HYCC1: variants seen among roughly 807,000 people sequenced by gnomAD.
HYCC1 encodes hyccin.
chr7:22,923,254 G>T, the HYCC1 span, among the ~76,000 whole-genome samples: 1 of 152,056 alleles, frequency 6.6e-6, no homozygotes, highest in Non-Finnish European at 1.5e-5. Context: ...TTAACAGAAA[G>T]GAATGTGGGA....
chr7:22,963,806 A>C, the HYCC1 span, among the ~76,000 whole-genome samples: 1 of 152,234 alleles, frequency 6.6e-6, no homozygotes, highest in African/African-American at 2.4e-5. Flanking sequence ...AGAAGTTTAT[A>C]AATTCTGTCT....
At chr7:22,917,601 A>G in the HYCC1 span, among the ~76,000 whole-genome samples, 1 of 152,202 alleles carries the variant, frequency 6.6e-6, no homozygotes, top group Non-Finnish European at 1.5e-5. Flanking sequence ...CAGGGCCTGA[A>G]AAGGCCACTG....
At chr7:22,968,691 A>C in the HYCC1 span, among the ~76,000 whole-genome samples, 1 of 152,058 alleles carries the variant, frequency 6.6e-6, no homozygotes, top group African/African-American at 2.4e-5. Flanking sequence ...AGGTCACTAA[A>C]AGCAGACAAT....
the HYCC1 span, among the ~76,000 whole-genome samples, chr7:22,907,447 T>C: frequency 6.6e-6 from 1 of 152,308 alleles, no homozygotes; most frequent in East Asian, 1.9e-4. Context: ...GGAGATCTGT[T>C]AGGAGAGTGA....
the HYCC1 span, among the ~76,000 whole-genome samples, chr7:22,971,710 G>A: frequency 6.6e-6 from 1 of 150,578 alleles, no homozygotes; most frequent in African/African-American, 2.4e-5. Flanking sequence ...GGGGCAGAGA[G>A]AAGTGGAGAG....
At chr7:22,942,096 G>A in the HYCC1 span, 1 of 151,958 alleles carries the variant, frequency 6.6e-6, no homozygotes. Context: ...GAGTACATCT[G>A]TTCTCTGTAA....
the HYCC1 span, chr7:22,941,245 T>A: frequency 6.6e-6 from 1 of 152,142 alleles, no homozygotes; most frequent in Non-Finnish European, 1.5e-5. Context: ...ATGAGTAAAC[T>A]GATCTGGAAA....
At chr7:22,927,957 T>A in the HYCC1 span, among the ~76,000 whole-genome samples, 1 of 152,106 alleles carries the variant, frequency 6.6e-6, no homozygotes, top group Admixed American at 6.5e-5. Flanking sequence ...GCAAACCGAA[T>A]CCAGCAACAC....
chr7:22,975,419 T>A, the HYCC1 span, among the ~76,000 whole-genome samples: 1 of 152,178 alleles, frequency 6.6e-6, no homozygotes, highest in Non-Finnish European at 1.5e-5. Context: ...ATTTTTAAAA[T>A]GTGAATATAC....
At chr7:23,006,111 G>A in the HYCC1 span, among the ~76,000 whole-genome samples, 5 of 152,176 alleles carry the variant, frequency 3.3e-5, no homozygotes, top group Admixed American at 1.3e-4. Flanking sequence ...GGGTCAGATT[G>A]TCCCCATAGG....
the HYCC1 span, among the ~76,000 whole-genome samples, chr7:22,956,760 G>A: frequency 6.6e-6 from 1 of 151,606 alleles, no homozygotes; most frequent in African/African-American, 2.4e-5. Flanking sequence ...ACCTAAAACT[G>A]CTCTAAAAAA....
At chr7:22,957,546 A>G in the HYCC1 span, among the ~76,000 whole-genome samples, 6 of 152,046 alleles carry the variant, frequency 3.9e-5, no homozygotes, top group African/African-American at 1.4e-4. Flanking sequence ...GAGAAAGAGG[A>G]AAAAAAGAAT....
chr7:23,005,957 C>G, the HYCC1 span, among the ~76,000 whole-genome samples: 3 of 152,354 alleles, frequency 2.0e-5, no homozygotes, highest in African/African-American at 7.2e-5. Context: ...AACAGTCTCT[C>G]CCTTTTCTTA....
the HYCC1 span, chr7:22,938,737 G>C: frequency 1.3e-5 from 2 of 152,000 alleles, no homozygotes; most frequent in Non-Finnish European, 1.5e-5. Flanking sequence ...TCCACTACCA[G>C]ATATCCAATT....
chr7:22,995,892 C>CA, the HYCC1 span, among the ~76,000 whole-genome samples: 12 of 152,304 alleles, frequency 7.9e-5, no homozygotes, highest in Admixed American at 6.5e-4. Context: ...CTAACATCAA[C>CA]ACGACGTCAT....
At chr7:22,916,082 C>T in the HYCC1 span, among the ~76,000 whole-genome samples, 13 of 152,224 alleles carry the variant, frequency 8.5e-5, 1 homozygote, top group East Asian at 7.7e-4. Flanking sequence ...ACCCTTACCC[C>T]GCTCAATGCC....
the HYCC1 span, among the ~76,000 whole-genome samples, chr7:22,925,463 T>C: frequency 6.6e-6 from 1 of 152,002 alleles, no homozygotes. Flanking sequence ...CTAACTAGAA[T>C]AACCAATGCA....
the HYCC1 span, among the ~76,000 whole-genome samples, chr7:22,902,706 A>G: frequency 1.3e-5 from 2 of 152,076 alleles, no homozygotes; most frequent in Non-Finnish European, 2.9e-5. Context: ...GAACTATTGC[A>G]TATCTATATG....
chr7:22,898,775 G>GT, the HYCC1 span, among the ~76,000 whole-genome samples: 6 of 151,482 alleles, frequency 4.0e-5, no homozygotes, highest in Admixed American at 1.3e-4. Context: ...GATAATTTTT[G>GT]TATTTTTAGT....
Sources: allele counts gnomAD v4.1 joint callset (sites outside exome capture counted in the v4.1 genomes callset), GRCh38; gene constraint gnomAD v4.1.1; transcripts MANE v1.5; gene names NCBI Gene and HGNC (gene_info 2026-07-23, HGNC 2026-07-21).